The following ATP8A1 variants were observed in gnomAD, a reference collection of about 807,000 sequenced individuals.
The protein encoded by ATP8A1 is phospholipid-transporting ATPase IA.
ATP8A1 carries 90 observed loss-of-function variants against 177.7 expected under a neutral mutation model. That is an observed-to-expected ratio of 0.51 (90% CI 0.43 to 0.60). The LOEUF is 0.60. ATP8A1 is among the 20% of genes least tolerant of loss of function. The pLI is 0.00. For synonymous variants in ATP8A1, 493 were observed against 485.9 expected (o/e 1.01, Z -0.19); for missense variants, 1,072 against 1,392.8 (o/e 0.77, Z 3.67).
intron 14 of ATP8A1, among the ~76,000 whole-genome samples, chr4:42,573,959 A>G (rs1317692290): frequency 6.6e-6 from 1 of 152,220 alleles, no homozygotes; most frequent in Non-Finnish European, 1.5e-5. Context: ...TTTCTAGGAA[A>G]TGTAGAAATT....
At chr4:42,581,850 G>A in intron 9 of ATP8A1, 118 bp from the exon 10 acceptor site, 2 of 722,676 alleles carry the variant, frequency 2.8e-6, no homozygotes, top group Non-Finnish European at 4.5e-6. Flanking sequence ...ATTTATTTCT[G>A]GAAAGTAATT....
intron 25 of ATP8A1, among the ~76,000 whole-genome samples, chr4:42,473,795 G>A (rs1036108977): frequency 2.0e-5 from 3 of 149,772 alleles, no homozygotes; most frequent in Admixed American, 6.7e-5. Flanking sequence ...AAAAATGTAC[G>A]CCACCATGCA....
At chr4:42,522,837 C>T (rs1197758496) in intron 21 of ATP8A1, among the ~76,000 whole-genome samples, 1 of 152,132 alleles carries the variant, frequency 6.6e-6, no homozygotes, top group African/African-American at 2.4e-5. Context: ...ATACCAAAGG[C>T]AGTAACACTC....
At position 42,423,628 on chromosome 4, in the gene ATP8A1, C is replaced by G. The variant is rs760914967; in HGVS notation, c.3201G>C (p.Val1067=). The change falls in exon 34 of 37, where the codon GTG becomes GTC. Residue 1067 remains valine, a synonymous_variant. Transcript: ENST00000381668. ...FIPVASLLLD[V]VYKVIKRTAF... ...GAGTATATACTTACACCTTGTACACCACATCAAGGAGCAGAGATGCCACAG... is the reference window on the plus strand; with the variant it reads ...GAGTATATACTTACACCTTGTACACGACATCAAGGAGCAGAGATGCCACAG... The G allele has an allele frequency of 1.2e-6, 2 of 1,609,904 alleles. No homozygotes were observed. The highest frequency in any genetic ancestry group is 1.7e-6 in the Non-Finnish European group (2 of 1,177,324).
At chr4:42,561,060 G>A (rs549228967) in intron 15 of ATP8A1, among the ~76,000 whole-genome samples, 99 of 152,200 alleles carry the variant, frequency 6.5e-4, no homozygotes, top group African/African-American at 2.3e-3. Context: ...ACATATATAT[G>A]TAAATTCAAG....
intron 6 of ATP8A1, among the ~76,000 whole-genome samples, chr4:42,596,525 G>T (rs1373242934): frequency 6.6e-6 from 1 of 151,948 alleles, no homozygotes; most frequent in Non-Finnish European, 1.5e-5. Flanking sequence ...AAATTAGCTG[G>T]GCATGGTGGC....
At chr4:42,546,373 T>C (rs957638564) in intron 19 of ATP8A1, among the ~76,000 whole-genome samples, 4 of 140,336 alleles carry the variant, frequency 2.9e-5, no homozygotes, top group South Asian at 2.2e-4. Context: ...CAGGTGGGAA[T>C]TGAACAATGA....
chr4:42,634,106 T>C (rs1739033934), intron 1 of ATP8A1, among the ~76,000 whole-genome samples: 1 of 152,146 alleles, frequency 6.6e-6, no homozygotes, highest in Non-Finnish European at 1.5e-5. Context: ...GAGGACACTG[T>C]GATAATCCAG....
Position 42,422,857 on chromosome 4 carries a change from C to T in ATP8A1, c.3255G>A (p.Gln1085=). 6.2e-7 allele frequency: 1 copy of T among 1,612,896 alleles called. No individual in the cohort carries two copies. Among genetic ancestry groups the T allele is most frequent in the Non-Finnish European group, 8.5e-7 (1 of 1,179,856 alleles). The stretch of plus-strand genomic sequence containing the variant: ...GGTCTTGAGATTTTGCCTCCAGCTC[C>T]TGAACTTCATCGACCAATGTTTTAA... ...TAFKTLVDEV[Q]ELEAKSQDPG... Residue 1085 remains glutamine, a synonymous_variant, in exon 35 of 37, where the codon CAG becomes CAA. Coordinates refer to ENST00000381668, the MANE Select transcript of ATP8A1 (RefSeq NM_006095.2).
chr4:42,507,272 G>T, intron 22 of ATP8A1, 118 bp from the exon 23 acceptor site: 2 of 1,077,650 alleles, frequency 1.9e-6, no homozygotes, highest in Non-Finnish European at 2.7e-6. Context: ...ATGGACTTTG[G>T]TGTAAATTCC....
intron 19 of ATP8A1, among the ~76,000 whole-genome samples, chr4:42,548,301 T>C (rs1237633125): frequency 1.3e-5 from 2 of 152,192 alleles, no homozygotes; most frequent in Non-Finnish European, 2.9e-5. Context: ...ATAAATCTGA[T>C]GCCTCTAAAC....
intron 5 of ATP8A1, among the ~76,000 whole-genome samples, chr4:42,611,765 T>C (rs371053618): frequency 9.2e-5 from 14 of 152,362 alleles, no homozygotes; most frequent in African/African-American, 3.1e-4. Flanking sequence ...TAAATTCATA[T>C]GGGGACTGGC....
intron 17 of ATP8A1, 125 bp from the exon 18 acceptor site, chr4:42,551,405 T>G: frequency 1.6e-6 from 1 of 642,164 alleles, no homozygotes; most frequent in Non-Finnish European, 2.8e-6. Context: ...CTGGCTCATG[T>G]TATTAATCCA....
At chr4:42,435,461 A>AAAAAAACAAC (rs1553871738) in intron 33 of ATP8A1, among the ~76,000 whole-genome samples, 12 of 122,378 alleles carry the variant, frequency 9.8e-5, no homozygotes, top group South Asian at 2.9e-4. Context: ...AAAAAAAAAA[A>AAAAAAACAAC]AACAAACTAT....
intron 15 of ATP8A1, among the ~76,000 whole-genome samples, chr4:42,568,815 TGGCA>T (rs1731607963): frequency 6.6e-6 from 1 of 152,096 alleles, no homozygotes. Context: ...CGGCAGAAGG[TGGCA>T]GTACTGAGCT....
intron 4 of ATP8A1, among the ~76,000 whole-genome samples, chr4:42,623,947 G>A (rs1457544127): frequency 6.6e-6 from 1 of 151,996 alleles, no homozygotes; most frequent in African/African-American, 2.4e-5. Context: ...GTTTCCTCAA[G>A]TAAGACAGTT....
At chr4:42,535,473 C>G (rs1455140353) in intron 20 of ATP8A1, among the ~76,000 whole-genome samples, 1 of 152,044 alleles carries the variant, frequency 6.6e-6, no homozygotes, top group East Asian at 1.9e-4. Context: ...ACAATTAGTA[C>G]TAGACTTATG....
At chr4:42,522,560 GAATC>G (rs1726248362) in intron 21 of ATP8A1, among the ~76,000 whole-genome samples, 1 of 152,108 alleles carries the variant, frequency 6.6e-6, no homozygotes, top group Non-Finnish European at 1.5e-5. Context: ...TCTAAAATCT[GAATC>G]TTATCAAGCA....
intron 30 of ATP8A1, among the ~76,000 whole-genome samples, chr4:42,450,874 A>G (rs762684654): frequency 5.9e-5 from 9 of 152,200 alleles, no homozygotes; most frequent in Non-Finnish European, 1.2e-4. Context: ...AAACAAACAT[A>G]TCAAAACCTG....
Sources: gnomAD v4.1 joint callset for allele counts (sites outside exome capture counted in the v4.1 genomes callset) on GRCh38, gnomAD v4.1.1 for gene constraint, MANE v1.5 for transcripts, NCBI Gene and HGNC (gene_info 2026-07-23, HGNC 2026-07-21) for gene names.